Variants in LDHC observed in about 807,000 individuals in gnomAD.
LDHC encodes L-lactate dehydrogenase C chain.
Under a neutral mutation model 30.2 loss-of-function variants are expected in LDHC, and 20 were observed. The observed-to-expected ratio is 0.66, with a 90% CI of 0.47 to 0.96. The LOEUF (loss-of-function observed/expected upper bound fraction) is 0.96. Ranked by LOEUF, LDHC falls within the 40% of genes least tolerant of loss-of-function variation. The pLI is 0.00. For synonymous variants in LDHC, 139 were observed against 132.7 expected (o/e 1.05, Z -0.32); for missense variants, 362 against 394.9 (o/e 0.92, Z 0.71).
At position 18,451,086 on chromosome 11, in the gene LDHC, G is replaced by A. The variant is rs965914521; in HGVS notation, c.958G>A (p.Ala320Thr). The change falls in exon 8 of 8, where the codon GCA (alanine) becomes ACA (threonine). Residue 320 changes from alanine to threonine, a missense_variant. Ala to Thr is a moderately conservative substitution (Grantham distance 58). Transcript: ENST00000541669. ...SEEEALFKKSAETLWNIQKDL... is the reference protein window; with the variant it reads ...SEEEALFKKSTETLWNIQKDL... ...GGAGGAGGCCCTTTTCAAGAAGAGT[G>A]CAGAAACACTTTGGAATATTCAAAA... 5 of 1,567,542 alleles carry A rather than the reference G, an allele frequency of 3.2e-6. No individual in the cohort carries two copies. The highest frequency in any genetic ancestry group is 2.4e-5 in the East Asian group (1 of 42,324).
chr11:18,444,649 T>C (rs1328873172), intron 6 of LDHC, among the ~76,000 whole-genome samples: 1 of 129,730 alleles, frequency 7.7e-6, no homozygotes, highest in East Asian at 2.1e-4. Context: ...TATATATATA[T>C]GCCTTATCTT....
rs1234866545 is a variant in LDHC at position 18,434,876 on chromosome 11, C to T, written c.555C>T (p.Cys185=). The T allele has an allele frequency of 2.5e-6, 4 of 1,613,236 alleles. No homozygotes were observed. Among genetic ancestry groups the T allele is most frequent in the Non-Finnish European group, 2.5e-6 (3 of 1,179,290 alleles). The part of the protein sequence containing the change: ...GEKLGVHPTS[C]HGWIIGEHGD... ...AGTTGGGTGTCCACCCCACAAGCTGCCATGGTTGGATTATTGGAGAACATG... is the reference window on the plus strand; with the variant it reads ...AGTTGGGTGTCCACCCCACAAGCTGTCATGGTTGGATTATTGGAGAACATG... The change falls in exon 5 of 8, where the codon TGC becomes TGT. Residue 185 remains cysteine (C), a synonymous_variant. Coordinates refer to ENST00000541669, the MANE Select transcript of LDHC (RefSeq NM_017448.5).
chr11:18,414,482 G>A (rs1465833371), intron 2 of LDHC, among the ~76,000 whole-genome samples: 4 of 152,150 alleles, frequency 2.6e-5, no homozygotes, highest in South Asian at 4.1e-4. Context: ...CCATAACGAC[G>A]CATACTAAAA....
chr11:18,436,342 C>A (rs1199049665), intron 5 of LDHC, among the ~76,000 whole-genome samples: 1 of 151,902 alleles, frequency 6.6e-6, no homozygotes, highest in Non-Finnish European at 1.5e-5. Flanking sequence ...TTTCTGTTTT[C>A]CATTGGATCT....
At chr11:18,427,832 A>T (rs1036910293) in intron 3 of LDHC, among the ~76,000 whole-genome samples, 2 of 152,046 alleles carry the variant, frequency 1.3e-5, no homozygotes, top group Admixed American at 1.3e-4. Flanking sequence ...ACGTGCCATC[A>T]TGCCCAGCTA....
intron 3 of LDHC, among the ~76,000 whole-genome samples, chr11:18,424,342 A>T (rs1403583187): frequency 6.6e-6 from 1 of 152,042 alleles, no homozygotes; most frequent in Non-Finnish European, 1.5e-5. Flanking sequence ...AGATCGCGCC[A>T]CTGCACTCCA....
At chr11:18,428,783 G>A (rs1044696188) in intron 3 of LDHC, among the ~76,000 whole-genome samples, 1 of 151,816 alleles carries the variant, frequency 6.6e-6, no homozygotes, top group Non-Finnish European at 1.5e-5. Context: ...GCTGATGTGG[G>A]AGAATCTCTT....
Position 18,412,790 on chromosome 11 carries a change from A to G in LDHC, c.73A>G (p.Ile25Val), listed in dbSNP as rs1454281645. ...TGAAAACTCCCAGTGTAAAATTACTATTGTTGGAACTGGTGCCGTAGGCAT... is the reference window on the plus strand; with the variant it reads ...TGAAAACTCCCAGTGTAAAATTACTGTTGTTGGAACTGGTGCCGTAGGCAT... ...DDENSQCKITIVGTGAVGMAC... is the reference protein window; with the variant it reads ...DDENSQCKITVVGTGAVGMAC... The change falls in exon 2 of 8, where the codon ATT becomes GTT. Residue 25 changes from isoleucine (I) to valine (V), a missense_variant. Transcript: ENST00000541669. The G allele has an allele frequency of 9.3e-6, 15 of 1,613,932 alleles. No homozygotes were observed. The highest frequency in any genetic ancestry group is 5.0e-5 in the Admixed American group (3 of 60,018).
At chr11:18,418,011 G>A (rs981191607) in intron 3 of LDHC, among the ~76,000 whole-genome samples, 1 of 151,778 alleles carries the variant, frequency 6.6e-6, no homozygotes, top group Non-Finnish European at 1.5e-5. Flanking sequence ...GGGCACAAAG[G>A]AAGATCCTAT....
intron 6 of LDHC, among the ~76,000 whole-genome samples, chr11:18,441,281 A>C (rs1247691097): frequency 6.6e-6 from 1 of 152,100 alleles, no homozygotes. Flanking sequence ...AAGAAAACAC[A>C]GTATAGCATA....
intron 4 of LDHC, among the ~76,000 whole-genome samples, chr11:18,433,644 T>C (rs759224254): frequency 2.6e-5 from 4 of 152,222 alleles, no homozygotes; most frequent in Non-Finnish European, 4.4e-5. Context: ...TTCTAGGTTG[T>C]AGGGTTTCTG....
At chr11:18,435,231 T>A (rs1016798066) in intron 5 of LDHC, among the ~76,000 whole-genome samples, 3 of 152,150 alleles carry the variant, frequency 2.0e-5, no homozygotes, top group Admixed American at 6.5e-5. Context: ...ATGGTTTGGA[T>A]CTGTGTCCCT....
Position 18,426,526 on chromosome 11 carries a change from C to CAAA in LDHC, c.245-3195_245-3193dup, listed in dbSNP as rs33993685. Among the ~76,000 whole-genome samples the CAAA allele has an allele frequency of 2.0e-3, 222 of 111,382 alleles. 10 individuals carry two copies. The highest frequency in any genetic ancestry group is 4.5e-3 in the African/African-American group (127 of 28,450). The allele number at this position is 111,382 out of a possible 152,430, so 73.1% of individuals were successfully genotyped here. ...TGGGCAACAGAGCAAGACTCCGTCT[C>CAAA]AAAAAAAAAAAAAAAAAAGATATTT... On this transcript the variant is annotated intron_variant, in intron 3 of 7. Coordinates refer to ENST00000541669, the MANE Select transcript of LDHC (RefSeq NM_017448.5).
At position 18,451,594 on chromosome 11, in the gene LDHC, A is replaced by T. The variant is rs1441473455; in HGVS notation, c.*467A>T. On this transcript the variant is annotated 3_prime_UTR_variant, in exon 8 of 8. Coordinates refer to ENST00000541669, the MANE Select transcript of LDHC (RefSeq NM_017448.5). ...CCGGGCACTGCAGCCTGGGTGAAAG[A>T]GTGAGGCTCTGTCTCAAAAAAAATC... 1 of 152,198 alleles carries T rather than the reference A, an allele frequency of 6.6e-6. No individual in the cohort carries two copies. The highest frequency in any genetic ancestry group is 1.5e-5 in the Non-Finnish European group (1 of 68,056). The allele number at this position is 152,198 out of a possible 1,614,324, so 9.4% of individuals were successfully genotyped here.
At position 18,419,479 on chromosome 11, in the gene LDHC, A is replaced by G. The variant is rs558884215; in HGVS notation, c.244+4178A>G. On this transcript the variant is annotated intron_variant, in intron 3 of 7. Transcript: ENST00000541669. ...GAACCACAAGCTGGCTCTTATTTGA[A>G]TTCCAGAAAACCTTAAGCAATCAGA... is the stretch of plus-strand genomic sequence containing the variant. Among the ~76,000 whole-genome samples, 7 of 152,350 alleles carry G rather than the reference A, an allele frequency of 4.6e-5. No individual in the cohort carries two copies. In the South Asian group the frequency reaches 1.4e-3, roughly 32 times the overall value.
chr11:18,432,758 T>G (rs1178349366), intron 4 of LDHC, among the ~76,000 whole-genome samples: 1 of 152,226 alleles, frequency 6.6e-6, no homozygotes, highest in African/African-American at 2.4e-5. Flanking sequence ...TAAAGTTTGT[T>G]TCGTCTGATA....
At chr11:18,416,191 TTCC>T (rs1286494167) in intron 3 of LDHC, among the ~76,000 whole-genome samples, 1 of 152,178 alleles carries the variant, frequency 6.6e-6, no homozygotes, top group Non-Finnish European at 1.5e-5. Context: ...CTTATATATT[TTCC>T]CAAGAATATA....
chr11:18,414,664 C>G (rs2134043960), intron 2 of LDHC, among the ~76,000 whole-genome samples: 1 of 152,158 alleles, frequency 6.6e-6, no homozygotes, highest in Non-Finnish European at 1.5e-5. Context: ...CCCGTCTGTA[C>G]TAAAAATACA....
chr11:18,446,184 G>C, intron 6 of LDHC, 26 bp from the exon 7 acceptor site: 1 of 1,580,940 alleles, frequency 6.3e-7, no homozygotes, highest in Non-Finnish European at 8.7e-7. Flanking sequence ...TTATGAATTT[G>C]ATTTTCTTAC....
Sources: gnomAD v4.1 joint callset for allele counts (sites outside exome capture counted in the v4.1 genomes callset) on GRCh38, gnomAD v4.1.1 for gene constraint, MANE v1.5 for transcripts, NCBI Gene and HGNC (gene_info 2026-07-23, HGNC 2026-07-21) for gene names.